CD63: variants seen among roughly 807,000 people sequenced by gnomAD.
CD63 encodes the protein CD63 antigen.
Under a neutral mutation model 29.2 loss-of-function variants are expected in CD63, and 16 were observed. The observed-to-expected ratio is 0.55, with a 90% confidence interval of 0.37 to 0.83. The LOEUF is 0.83. Ranked by LOEUF, CD63 falls within the 40% of genes least tolerant of loss-of-function variation. CD63 has a pLI of 0.00. For missense variants in CD63, 251 were observed against 297.3 expected, an observed-to-expected ratio of 0.84 and a Z score of 1.15; for synonymous variants, 118 against 111.7, an observed-to-expected ratio of 1.06 and a Z score of -0.36.
At position 55,725,397 on chromosome 12, in the gene CD63, C is replaced by T; in HGVS notation, c.*164G>A. On this transcript the variant is annotated 3_prime_UTR_variant, in exon 8 of 8. Transcript: ENST00000257857. ...CCTCGAAGTACACATGCATTAAGGT[C>T]CCAGAGGACAGGGAACATCAGTAAG... 1.5e-6 allele frequency: 1 copy of T among 659,542 alleles called. No individual in the cohort carries two copies. The highest frequency in any genetic ancestry group is 2.7e-5 in the East Asian group (1 of 37,730). 40.9% of individuals were successfully genotyped at this position (659,542 alleles called of 1,614,324 possible).
At position 55,728,414 on chromosome 12, in the gene CD63, C is replaced by T; in HGVS notation, c.-11-62G>A. 1 of 1,554,800 alleles carries T rather than the reference C, an allele frequency of 6.4e-7. No homozygotes were observed. Among genetic ancestry groups the T allele is most frequent in the Non-Finnish European group, 8.7e-7 (1 of 1,150,160 alleles). On this transcript the variant is annotated intron_variant, in intron 1 of 7. Coordinates refer to ENST00000257857, the MANE Select transcript of CD63 (RefSeq NM_001780.6). This position sits in a 1 kb window ranked among gnomAD's most constrained non-coding sequence, Gnocchi z 4.8. ...CCGAAGGGGGACCTCGGTTTCCGGGCTCCCGGCCGGCCCTCGAGGGCTTCC... is the reference window on the plus strand; with the variant it reads ...CCGAAGGGGGACCTCGGTTTCCGGGTTCCCGGCCGGCCCTCGAGGGCTTCC...
chr12:55,725,679 C>T, intron 7 of CD63, 53 bp from the exon 8 acceptor site: 2 of 1,564,804 alleles, frequency 1.3e-6, no homozygotes, highest in Non-Finnish European at 1.8e-6. Flanking sequence ...GGCTAGCTAC[C>T]TCAGACCCAT....
chr12:55,724,587 C>G, downstream of CD63: 1 of 1,574,924 alleles, frequency 6.3e-7, no homozygotes, highest in Non-Finnish European at 8.7e-7. Flanking sequence ...AGGACAAGGA[C>G]TTTGATTTAT....
Position 55,728,574 on chromosome 12 carries a change from G to C in CD63, c.-11-222C>G. 1 of 1,418,022 alleles carries C rather than the reference G, an allele frequency of 7.1e-7. No homozygotes were observed. Among genetic ancestry groups the C allele is most frequent in the Non-Finnish European group, 9.2e-7 (1 of 1,089,938 alleles). 87.8% of individuals were successfully genotyped at this position (1,418,022 alleles called of 1,614,324 possible). On this transcript the variant is annotated intron_variant, in intron 1 of 7. Transcript: ENST00000257857. The surrounding 1 kb of genome is among the most constrained non-coding windows in gnomAD (Gnocchi z 4.8). ...GCCCGGACCCCGCCCCGCCGCCTCT[G>C]GGGCCCAGGACAGATCCAAGGGCGC...
rs868016024 is a variant in CD63, at chr12:55,726,198, G to A, written c.490C>T (p.Arg164Ter). ...WEKIPSMSKNRVPDSCCINVT... is the reference protein window; with the variant it reads ...WEKIPSMSKN Reference sequence around the variant, plus strand: ...TTAATGCAGCAGGAGTCGGGGACTCGGTTCTTCGACATGGAAGGGATTTTC... The same window carrying A: ...TTAATGCAGCAGGAGTCGGGGACTCAGTTCTTCGACATGGAAGGGATTTTC... The change falls in exon 6 of 8, where the codon CGA becomes TGA. Residue 164 changes from arginine to a stop codon, truncating the protein, a stop_gained. Coordinates refer to ENST00000257857, the MANE Select transcript of CD63 (RefSeq NM_001780.6). LOFTEE classifies it high-confidence loss of function. 7.4e-6 allele frequency: 12 copies of A among 1,613,914 alleles called. No homozygotes were observed. The highest frequency in any genetic ancestry group is 1.1e-5 in the South Asian group (1 of 91,072).
chr12:55,727,443 AAG>A, intron 2 of CD63, 104 bp from the exon 3 acceptor site: 1 of 1,282,504 alleles, frequency 7.8e-7, no homozygotes. Context: ...CCCCATCCGG[AAG>A]AGAGATTCTC....
chr12:55,726,334 CTTTTTTTTTT>C (rs777731653), intron 5 of CD63, 73 bp from the exon 6 acceptor site: 21 of 288,124 alleles, frequency 7.3e-5, no homozygotes, highest in East Asian at 3.8e-4. Context: ...GATGAGAATT[CTTTTTTTTTT>C]TTTTTTTTTT....
chr12:55,725,273 G>A (rs1877176960), downstream of CD63: 2 of 485,508 alleles, frequency 4.1e-6, no homozygotes, highest in Admixed American at 6.9e-5. Context: ...AGACTAGGGG[G>A]CAGAAAGCAC....
chr12:55,726,681 T>C lies in CD63; in HGVS notation c.426+19A>G. On this transcript the variant is annotated intron_variant, in intron 5 of 7. Transcript: ENST00000257857. The stretch of plus-strand genomic sequence containing the variant: ...AATTCTCTATTCCCACCACCCCTGC[T>C]CCCAGCAACCCCACTCACATCTGCC... 6.3e-7 allele frequency: 1 copy of C among 1,597,360 alleles called. No individual in the cohort carries two copies. Among genetic ancestry groups the C allele is most frequent in the Non-Finnish European group, 8.6e-7 (1 of 1,165,180 alleles).
rs1877721496 is a variant in CD63 at position 55,728,892 on chromosome 12, A to C, written c.-12+61T>G. 7.1e-6 allele frequency: 7 copies of C among 987,036 alleles called. No individual in the cohort carries two copies. The highest frequency in any genetic ancestry group is 8.4e-6 in the Non-Finnish European group (7 of 830,742). The allele number at this position is 987,036 out of a possible 1,614,324, so 61.1% of individuals were successfully genotyped here. A position where few individuals can be genotyped will look rare whatever the true frequency, so the allele number is the denominator to read the frequency against. On this transcript the variant is annotated intron_variant, in intron 1 of 7. Transcript: ENST00000257857. The surrounding 1 kb of genome is among the most constrained non-coding windows in gnomAD (Gnocchi z 4.8). Reference sequence around the variant, plus strand: ...CGGGCCTGGGGCGAGCCCTGGAGGAAGGGACTGCGGGTGGTCTCTCCCAGC... The same window carrying C: ...CGGGCCTGGGGCGAGCCCTGGAGGACGGGACTGCGGGTGGTCTCTCCCAGC...
At chr12:55,723,821 A>G, downstream of CD63, 1 of 1,583,134 alleles carries the variant, frequency 6.3e-7, no homozygotes, top group Non-Finnish European at 8.6e-7. Context: ...TCCCCAACCC[A>G]TGTCCCTCAA....
In CD63 at chr12:55,728,823, CA is replaced by C. The variant is rs1877713912; in HGVS notation, c.-12+129del. ...TGCCCGGGCCCAGGGAACTTCGAAG[CA>C]AAGTTGCTCCAGGGCGGCTGGAGAG... On this transcript the variant is annotated intron_variant, in intron 1 of 7. Transcript: ENST00000257857. This position sits in a 1 kb window ranked among gnomAD's most constrained non-coding sequence, Gnocchi z 4.8. 1.0e-6 allele frequency: 1 copy of C among 991,634 alleles called. No individual in the cohort carries two copies. The highest frequency in any genetic ancestry group is 1.2e-6 in the Non-Finnish European group (1 of 834,014). 61.4% of individuals were successfully genotyped at this position (991,634 alleles called of 1,614,324 possible).
downstream of CD63, chr12:55,724,798 G>A: frequency 1.8e-6 from 1 of 562,888 alleles, no homozygotes; most frequent in South Asian, 2.0e-5. Context: ...CACCCACAGT[G>A]GGGCGCCAGG....
chr12:55,725,358 C>G lies in CD63; in HGVS notation c.*203G>C. On this transcript the variant is annotated 3_prime_UTR_variant, in exon 8 of 8. Transcript: ENST00000257857. ...TCGCAAAGTCCTCCTTTCCCAAACA[C>G]CCCCCAAAATAGACCTCGAAGTACA... is the stretch of plus-strand genomic sequence containing the variant. The G allele has an allele frequency of 8.5e-6, 5 of 589,514 alleles. No individual in the cohort carries two copies. In the Admixed American group the frequency reaches 1.2e-4, roughly 14 times the overall value. 36.5% of individuals were successfully genotyped at this position (589,514 alleles called of 1,614,324 possible). A position where few individuals can be genotyped will look rare whatever the true frequency, so the allele number is the denominator to read the frequency against.
intron 2 of CD63, chr12:55,727,832 A>G (rs2136153540): frequency 9.6e-7 from 1 of 1,040,692 alleles, no homozygotes; most frequent in Non-Finnish European, 1.2e-6. Context: ...CCAGGGCAGG[A>G]GCAAATTGAA....
rs1877198963 is a variant in CD63 at position 55,725,492 on chromosome 12, C to G, written c.*69G>C. ...CTCTTTTCGGTCTGAAAAAATAATC[C>G]GTTTAATTGAAAAACCTGGAGGATA... On this transcript the variant is annotated 3_prime_UTR_variant, in exon 8 of 8. Transcript: ENST00000257857. 2 of 1,238,066 alleles carry G rather than the reference C, an allele frequency of 1.6e-6. No individual in the cohort carries two copies. The highest frequency in any genetic ancestry group is 3.4e-5 in the Admixed American group (2 of 58,664). The allele number at this position is 1,238,066 out of a possible 1,614,324, so 76.7% of individuals were successfully genotyped here.
chr12:55,724,248 G>T (rs1319862109), downstream of CD63: 1 of 1,559,614 alleles, frequency 6.4e-7, no homozygotes, highest in Non-Finnish European at 8.8e-7. Context: ...CAAGCCCAGG[G>T]CCCCAGAAGA....
Position 55,725,906 on chromosome 12 carries a change from G to A in CD63, c.568-10C>T. Reference sequence around the variant, plus strand: ...TCTTCTCCACACAGCCCTGAAGGTGGCAGGCACAAAGGACAAAAGCACCAT... The same window carrying A: ...TCTTCTCCACACAGCCCTGAAGGTGACAGGCACAAAGGACAAAAGCACCAT... On this transcript the variant is annotated splice_polypyrimidine_tract_variant and intron_variant, in intron 6 of 7. Transcript: ENST00000257857. The A allele has an allele frequency of 6.2e-7, 1 of 1,613,194 alleles. No homozygotes were observed. Among genetic ancestry groups the A allele is most frequent in the East Asian group, 2.2e-5 (1 of 44,876 alleles).
At chr12:55,725,061 C>T (rs1379781885), downstream of CD63, among the ~76,000 whole-genome samples, 1 of 152,142 alleles carries the variant, frequency 6.6e-6, no homozygotes, top group Non-Finnish European at 1.5e-5. Context: ...GTCAAGGCAA[C>T]TTATCATACT....
Sources: gnomAD v4.1 joint callset for allele counts (sites outside exome capture counted in the v4.1 genomes callset) on GRCh38, gnomAD v4.1.1 for gene constraint, Gnocchi (gnomAD v3.1) non-coding constraint, MANE v1.5 for transcripts, NCBI Gene and HGNC (gene_info 2026-07-23, HGNC 2026-07-21) for gene names.